The following LHFPL6 variants were observed in gnomAD, a reference collection of about 807,000 sequenced individuals.
LHFPL6 encodes the protein LHFPL tetraspan subfamily member 6, also known as LHFPL tetraspan subfamily member 6 protein.
Under a neutral mutation model 20.6 loss-of-function variants are expected in LHFPL6, and 9 were observed. The ratio of observed to expected loss-of-function variants is 0.44; its 90% CI spans 0.26 to 0.76. The LOEUF (loss-of-function observed/expected upper bound fraction) is 0.76, where lower values mean the gene tolerates loss of function less well. LHFPL6 is among the 30% of genes least tolerant of loss of function. The pLI is 0.20. For synonymous variants in LHFPL6, 105 were observed against 98.7 expected (o/e 1.06, Z -0.38); for missense variants, 218 against 253.5 (o/e 0.86, Z 0.95).
intron 2 of LHFPL6, among the ~76,000 whole-genome samples, chr13:39,549,076 C>A (rs190700053): frequency 2.0e-4 from 30 of 152,122 alleles, no homozygotes; most frequent in Non-Finnish European, 4.0e-4. Flanking sequence ...TTAAAACAAC[C>A]CTATTACAAA....
intron 2 of LHFPL6, among the ~76,000 whole-genome samples, chr13:39,392,772 G>A (rs927793719): frequency 6.6e-6 from 1 of 151,672 alleles, no homozygotes; most frequent in Non-Finnish European, 1.5e-5. Context: ...CAAAGCACGA[G>A]ATACATTTTA....
chr13:39,536,918 C>G (rs575290732), intron 2 of LHFPL6, among the ~76,000 whole-genome samples: 1 of 152,180 alleles, frequency 6.6e-6, no homozygotes, highest in South Asian at 2.1e-4. Flanking sequence ...ACTCCTGACC[C>G]TTAGCTGTCT....
rs373949706 is a variant in LHFPL6, at chr13:39,556,381, T to C, written c.385+44451A>G. Among the ~76,000 whole-genome samples, 9 of 152,084 alleles carry C rather than the reference T, an allele frequency of 5.9e-5. No individual in the cohort carries two copies. The South Asian group carries it at 1.2e-3, about 21-fold the overall frequency. On this transcript the variant is annotated intron_variant, in intron 2 of 3. Transcript: ENST00000379589. Reference sequence around the variant, plus strand: ...TAAATGGTTGTGACCAAAACGCTGATAGAAATATGGAAAGTGAAGTCCAGA... The same window carrying C: ...TAAATGGTTGTGACCAAAACGCTGACAGAAATATGGAAAGTGAAGTCCAGA...
Position 39,377,955 on chromosome 13 carries a change from T to C in LHFPL6, c.484+473A>G, listed in dbSNP as rs548855274. Among the ~76,000 whole-genome samples the C allele has an allele frequency of 2.4e-3, 360 of 152,318 alleles. 4 individuals carry two copies. Among genetic ancestry groups the C allele is most frequent in the Non-Finnish European group, 3.2e-3 (221 of 68,024 alleles). On this transcript the variant is annotated intron_variant, in intron 3 of 3. Transcript: ENST00000379589. The stretch of plus-strand genomic sequence containing the variant: ...GCTTCCATCTAATCCTGATAATCCA[T>C]ATGTAGCACTTTGTTCAAGACTGAA...
intron 2 of LHFPL6, among the ~76,000 whole-genome samples, chr13:39,570,409 G>A (rs918597938): frequency 6.6e-6 from 1 of 152,080 alleles, no homozygotes; most frequent in Non-Finnish European, 1.5e-5. Flanking sequence ...GTCCCAAAGT[G>A]CTGAGATTAC....
At chr13:39,469,715 A>G (rs145097301) in intron 2 of LHFPL6, among the ~76,000 whole-genome samples, 5,802 of 152,346 alleles carry the variant, frequency 0.038, 171 homozygotes, top group Non-Finnish European at 0.061. Flanking sequence ...AGTAAGCTAC[A>G]TAGAGCTTCT....
intron 3 of LHFPL6, among the ~76,000 whole-genome samples, chr13:39,359,731 A>G (rs1022174440): frequency 1.3e-5 from 2 of 152,132 alleles, no homozygotes; most frequent in African/African-American, 2.4e-5. Context: ...GCATCACACA[A>G]TATACCTCTG....
intron 2 of LHFPL6, among the ~76,000 whole-genome samples, chr13:39,513,530 T>C (rs2138477668): frequency 6.6e-6 from 1 of 152,360 alleles, no homozygotes; most frequent in Non-Finnish European, 1.5e-5. Flanking sequence ...GAAATAAGTC[T>C]ACATGTTCTA....
intron 2 of LHFPL6, among the ~76,000 whole-genome samples, chr13:39,581,129 A>G (rs2138539162): frequency 6.6e-6 from 1 of 152,338 alleles, no homozygotes; most frequent in African/African-American, 2.4e-5. Flanking sequence ...GCCAAACCCT[A>G]CAAGCCTAAC....
chr13:39,436,420 C>A (rs949463291), intron 2 of LHFPL6, among the ~76,000 whole-genome samples: 4 of 152,138 alleles, frequency 2.6e-5, no homozygotes, highest in Admixed American at 1.3e-4. Context: ...AAATGAATAA[C>A]TGAATTATAT....
intron 2 of LHFPL6, among the ~76,000 whole-genome samples, chr13:39,563,310 T>A (rs1411429826): frequency 1.3e-5 from 2 of 152,148 alleles, no homozygotes; most frequent in Non-Finnish European, 2.9e-5. Flanking sequence ...AGTAGAAGAA[T>A]GGATCAAACA....
intron 2 of LHFPL6, among the ~76,000 whole-genome samples, chr13:39,591,009 G>A (rs1872575093): frequency 6.6e-6 from 1 of 152,158 alleles, no homozygotes; most frequent in South Asian, 2.1e-4. Context: ...AAAGTAAATG[G>A]AGAACTGAAC....
chr13:39,389,764 G>GA (rs1239477083), intron 2 of LHFPL6, among the ~76,000 whole-genome samples: 5 of 152,072 alleles, frequency 3.3e-5, no homozygotes, highest in Admixed American at 3.3e-4. Flanking sequence ...CTATTTGAGG[G>GA]AAAATATCTC....
chr13:39,516,320 C>T (rs1869914511), intron 2 of LHFPL6, among the ~76,000 whole-genome samples: 1 of 152,242 alleles, frequency 6.6e-6, no homozygotes, highest in African/African-American at 2.4e-5. Flanking sequence ...ACCATGCCAG[C>T]TTCAAATACC....
chr13:39,556,752 C>A (rs1169309165), intron 2 of LHFPL6, among the ~76,000 whole-genome samples: 1 of 152,078 alleles, frequency 6.6e-6, no homozygotes, highest in Non-Finnish European at 1.5e-5. Context: ...TGTTTGAACC[C>A]AGGAGTTTGG....
intron 3 of LHFPL6, among the ~76,000 whole-genome samples, chr13:39,357,065 G>A (rs1007351433): frequency 1.3e-5 from 2 of 152,112 alleles, no homozygotes; most frequent in African/African-American, 4.8e-5. Flanking sequence ...CCAACTACTA[G>A]GGAGGCTGAG....
chr13:39,508,034 T>TG (rs1209285967), intron 2 of LHFPL6, among the ~76,000 whole-genome samples: 2 of 151,868 alleles, frequency 1.3e-5, no homozygotes, highest in Admixed American at 1.3e-4. Flanking sequence ...TACTTTTTTT[T>TG]TTTTGAGGCA....
chr13:39,459,219 TGTGTGTGTGTG>T lies in LHFPL6; in HGVS notation c.386-80704_386-80694del, dbSNP rs1314764512. Among the ~76,000 whole-genome samples the T allele has an allele frequency of 2.7e-5, 4 of 150,868 alleles. No individual in the cohort carries two copies. The South Asian group carries it at 6.3e-4, about 24-fold the overall frequency. ...ATGTGTGTGTGTGTGTGTGTGTGTG[TGTGTGTGTGTG>T]TGTGTGTGTGTTCGTGTGTATTGTG... On this transcript the variant is annotated intron_variant, in intron 2 of 3. Transcript: ENST00000379589.
chr13:39,444,479 A>G (rs1310147482), intron 2 of LHFPL6, among the ~76,000 whole-genome samples: 1 of 152,198 alleles, frequency 6.6e-6, no homozygotes, highest in Admixed American at 6.5e-5. Flanking sequence ...CTCCAAGGCA[A>G]GCTAGAACTT....
Sources: allele counts gnomAD v4.1 joint callset (sites outside exome capture counted in the v4.1 genomes callset), GRCh38; gene constraint gnomAD v4.1.1; transcripts MANE v1.5; gene names NCBI Gene and HGNC (gene_info 2026-07-23, HGNC 2026-07-21).